The following DCTN1 variants were observed in gnomAD, a reference collection of about 807,000 sequenced individuals.
DCTN1 encodes dynactin subunit 1.
A neutral mutation model predicts 161.2 loss-of-function variants in DCTN1; 61 were observed. That is an observed-to-expected ratio of 0.38 (90% CI 0.31 to 0.47). The LOEUF (loss-of-function observed/expected upper bound fraction) is 0.47. DCTN1 is among the 20% of genes least tolerant of loss of function. The probability of loss-of-function intolerance (pLI) is 0.99; values close to 1 mark genes in which losing one functional copy is unlikely to be tolerated. For synonymous variants in DCTN1, 653 were observed against 632.4 expected (o/e 1.03, Z -0.49); for missense variants, 1,404 against 1,623.7 (o/e 0.86, Z 2.33).
At position 74,361,303 on chromosome 2, in the gene DCTN1, G is replaced by A; in HGVS notation, c.*196C>T. The A allele has an allele frequency of 1.3e-6, 1 of 788,228 alleles. No homozygotes were observed. The highest frequency in any genetic ancestry group is 1.5e-5 in the South Asian group (1 of 68,568). The allele number at this position is 788,228 out of a possible 1,614,324, so 48.8% of individuals were successfully genotyped here. ...AGCAGTTGAACAACAAATTATGGCA[G>A]AGGCCAGGGAATGGGAGTGGGGGAA... On this transcript the variant is annotated 3_prime_UTR_variant, in exon 32 of 32. Coordinates refer to ENST00000628224, the MANE Select transcript of DCTN1 (RefSeq NM_004082.5).
At chr2:74,361,705 T>C (rs1207389150) in intron 31 of DCTN1, 69 bp from the exon 32 acceptor site, 2 of 1,602,052 alleles carry the variant, frequency 1.2e-6, no homozygotes, top group African/African-American at 1.3e-5. Flanking sequence ...ACTGAAGGGG[T>C]CCCTGAGCAC....
rs201348349 is a variant in DCTN1 at position 74,368,880 on chromosome 2, C to A, written c.1702G>T (p.Ala568Ser). Residue 568 changes from alanine to serine, a missense_variant and splice_region_variant, in exon 16 of 32, where the codon GCA becomes TCA. Physicochemically the swap from Ala to Ser is moderately conservative, Grantham distance 99 (BLOSUM62 1). Transcript: ENST00000628224. The stretch of plus-strand genomic sequence containing the variant: ...ATCTGCCTCAATTCCATCTCAATTG[C>A]CTGTGAGGTGAACAGGGAGGAGGAC... The part of the protein sequence containing the change: ...KFAETKAHAK[A>S]IEMELRQMEV... 1 of 1,614,258 alleles carries A rather than the reference C, an allele frequency of 6.2e-7. No homozygotes were observed. Among genetic ancestry groups the A allele is most frequent in the East Asian group, 2.2e-5 (1 of 44,888 alleles).
intron 16 of DCTN1, 84 bp from the exon 17 acceptor site, chr2:74,368,215 C>T: frequency 6.6e-7 from 1 of 1,526,196 alleles, no homozygotes; most frequent in East Asian, 2.5e-5. Context: ...CAGAGCTTAA[C>T]TATGTGGGGA....
chr2:74,368,924 G>C (rs1423988516), intron 15 of DCTN1, 44 bp from the exon 16 acceptor site: 51 of 1,612,234 alleles, frequency 3.2e-5, no homozygotes, highest in Non-Finnish European at 4.2e-5. Flanking sequence ...AGAGCTGAAA[G>C]AGCCCCAAAA....
At chr2:74,376,606 C>T in intron 5 of DCTN1, 136 bp downstream of exon 5, 2 of 838,274 alleles carry the variant, frequency 2.4e-6, no homozygotes, top group Non-Finnish European at 4.0e-6. Flanking sequence ...CTCTGAAAGC[C>T]AAGGCCACCA....
chr2:74,390,790 C>G (rs191140257), intron 1 of DCTN1: 4 of 242,616 alleles, frequency 1.6e-5, no homozygotes, highest in African/African-American at 8.9e-5. Context: ...TACATGTGCA[C>G]GCCATTAAAA....
At position 74,371,195 on chromosome 2, in the gene DCTN1, AC is replaced by A. The variant is rs1674815070; in HGVS notation, c.646-20del. ...CCTCCTCCTGCAAAGGAGAGGCCTCACGGTCTGTGCACAGCCCACTCCTCCT... is the reference window on the plus strand; with the variant it reads ...CCTCCTCCTGCAAAGGAGAGGCCTCAGGTCTGTGCACAGCCCACTCCTCCT... On this transcript the variant is annotated intron_variant, in intron 8 of 31. Transcript: ENST00000628224. 1 of 1,612,204 alleles carries A rather than the reference AC, an allele frequency of 6.2e-7. No individual in the cohort carries two copies.
upstream of DCTN1, among the ~76,000 whole-genome samples, chr2:74,382,473 A>G (rs111792043): frequency 0.06 from 9,033 of 151,614 alleles, 887 homozygotes; most frequent in African/African-American, 0.2. Flanking sequence ...GGTGGCGCAT[A>G]CCTATAATCC....
chr2:74,380,927 A>C (rs1351779458), upstream of DCTN1, among the ~76,000 whole-genome samples: 6 of 152,234 alleles, frequency 3.9e-5, no homozygotes, highest in Non-Finnish European at 7.3e-5. Context: ...TACTAAAGGC[A>C]GTAGTCAAAA....
intron 26 of DCTN1, 163 bp downstream of exon 26, chr2:74,364,896 CACACATCTTCAGCGGA>C: frequency 1.4e-6 from 1 of 737,120 alleles, no homozygotes. Context: ...AGAAACTCAG[CACACATCTTCAGCGGA>C]AGGGAAAACT....
chr2:74,372,024 C>T (rs1023004414), intron 7 of DCTN1: 1 of 408,676 alleles, frequency 2.4e-6, no homozygotes, highest in African/African-American at 2.0e-5. Flanking sequence ...ACTGACTCCA[C>T]ATTCCTCCTA....
intron 27 of DCTN1, 24 bp from the exon 28 acceptor site, chr2:74,363,451 A>G: frequency 6.2e-7 from 1 of 1,606,712 alleles, no homozygotes; most frequent in Non-Finnish European, 8.5e-7. Context: ...AAAAAATCTC[A>G]TCAGCCCCAA....
chr2:74,371,500 T>C, intron 8 of DCTN1, 37 bp downstream of exon 8: 1 of 1,538,408 alleles, frequency 6.5e-7, no homozygotes. Flanking sequence ...AGCCTCTGGG[T>C]GTCTTGATTC....
intron 1 of DCTN1, chr2:74,390,744 G>A (rs1675956815): frequency 2.9e-6 from 1 of 341,528 alleles, no homozygotes; most frequent in Admixed American, 3.2e-5. Flanking sequence ...TAGAAATGCA[G>A]AACCAATCAG....
intron 8 of DCTN1, 56 bp from the exon 9 acceptor site, chr2:74,371,232 ACT>A (rs758222779): frequency 9.6e-5 from 155 of 1,608,270 alleles, no homozygotes; most frequent in Non-Finnish European, 1.3e-4. Flanking sequence ...CTCCACCAAC[ACT>A]GAGCTGGCGC....
chr2:74,365,391 C>T, intron 25 of DCTN1, 124 bp downstream of exon 25: 1 of 1,556,338 alleles, frequency 6.4e-7, no homozygotes, highest in Non-Finnish European at 8.8e-7. Flanking sequence ...ATGGGGTTGG[C>T]AGTGGGTAAA....
chr2:74,368,359 C>T (rs1033716661), intron 16 of DCTN1: 5 of 639,720 alleles, frequency 7.8e-6, no homozygotes, highest in South Asian at 3.9e-5. Context: ...GTAGTGGGAC[C>T]GGTGGAATCA....
At position 74,362,136 on chromosome 2, in the gene DCTN1, C is replaced by T. The variant is rs1380660610; in HGVS notation, c.3615G>A (p.Glu1205=). 2 of 1,613,520 alleles carry T rather than the reference C, an allele frequency of 1.2e-6. No homozygotes were observed. The highest frequency in any genetic ancestry group is 1.1e-5 in the South Asian group (1 of 91,072). The change falls in exon 31 of 32, where the codon GAG becomes GAA. Residue 1205 remains glutamate (E), a synonymous_variant. Transcript: ENST00000628224. ...LSDTVEKLKD[E]VLKETVSQRP... Reference sequence around the variant, plus strand: ...GCTGAGATACTGTCTCCTTGAGGACCTCATCCTAGGGAAGGGGAGAGGAAG... The same window carrying T: ...GCTGAGATACTGTCTCCTTGAGGACTTCATCCTAGGGAAGGGGAGAGGAAG...
rs748860016 is a variant in DCTN1, at chr2:74,361,618, C to T, written c.3718G>A (p.Asp1240Asn). 1 of 1,614,124 alleles carries T rather than the reference C, an allele frequency of 6.2e-7. No individual in the cohort carries two copies. The highest frequency in any genetic ancestry group is 8.5e-7 in the Non-Finnish European group (1 of 1,180,014). ...AFLRAKEEQQDDTVYMGKVTF... is the reference protein window; with the variant it reads ...AFLRAKEEQQNDTVYMGKVTF... ...ACTTTGCCCATGTAGACTGTGTCAT[C>T]CTGCTGCTCCTCCTTGGCCTGGTGG... The change falls in exon 32 of 32, where the codon GAT becomes AAT. Residue 1240 changes from aspartate to asparagine, a missense_variant. By Grantham distance (23) the Asp-to-Asn change is conservative (BLOSUM62 1). Transcript: ENST00000628224.
Sources: allele counts gnomAD v4.1 joint callset (sites outside exome capture counted in the v4.1 genomes callset), GRCh38; gene constraint gnomAD v4.1.1; transcripts MANE v1.5; gene names NCBI Gene and HGNC (gene_info 2026-07-23, HGNC 2026-07-21).